RGPD1: variants seen among roughly 807,000 people sequenced by gnomAD.
The protein encoded by RGPD1 is RANBP2 like and GRIP domain containing 1.
A neutral mutation model predicts 40.6 loss-of-function variants in RGPD1; 7 were observed. The ratio of observed to expected loss-of-function variants is 0.17; its 90% CI spans 0.10 to 0.32. RGPD1 has a LOEUF of 0.32. RGPD1 is among the 10% of genes least tolerant of loss of function. RGPD1 has a pLI of 1.00. For synonymous variants in RGPD1, 24 were observed against 167.0 expected (o/e 0.14, Z 6.60); for missense variants, 50 against 472.5 (o/e 0.11, Z 8.29).
intron 1 of RGPD1, among the ~76,000 whole-genome samples, chr2:86,924,677 G>A (rs1678335605): frequency 6.6e-6 from 1 of 151,484 alleles, no homozygotes; most frequent in African/African-American, 2.4e-5. Context: ...ATAATATGTT[G>A]CCCAGGCTGG....
intron 1 of RGPD1, among the ~76,000 whole-genome samples, chr2:86,942,809 C>T (rs1026782496): frequency 3.3e-5 from 5 of 151,832 alleles, no homozygotes; most frequent in Admixed American, 2.0e-4. Flanking sequence ...GTCCTGTGGG[C>T]GGCGTGGCGC....
upstream of RGPD1, among the ~76,000 whole-genome samples, chr2:86,941,700 C>T (rs1036107304): frequency 2.0e-5 from 3 of 148,892 alleles, no homozygotes; most frequent in African/African-American, 7.7e-5. Context: ...GGACTGACTG[C>T]GGGATTTGAG....
rs1680555303 is a variant in RGPD1, at chr2:86,951,386, C to CT, written c.137+33dup. On this transcript the variant is annotated intron_variant, in intron 2 of 22. Coordinates refer to ENST00000641458, the MANE Select transcript of RGPD1 (RefSeq NM_001382344.1). ...GTAAGTACAAACTGTAACATGTATT[C>CT]TTTTTTTAAAATCAATGCCTTTTCT... is the stretch of plus-strand genomic sequence containing the variant. The CT allele has an allele frequency of 5.5e-6, 2 of 366,326 alleles. 1 individual carries two copies. Among genetic ancestry groups the CT allele is most frequent in the South Asian group, 1.0e-4 (2 of 19,088 alleles). The allele number at this position is 366,326 out of a possible 1,614,324, so 22.7% of individuals were successfully genotyped here. A position where few individuals can be genotyped will look rare whatever the true frequency, so the allele number is the denominator to read the frequency against.
chr2:86,931,075 CAA>C (rs1678922659), intron 1 of RGPD1, among the ~76,000 whole-genome samples: 1 of 114,902 alleles, frequency 8.7e-6, no homozygotes, highest in African/African-American at 3.5e-5. Flanking sequence ...GAGATAACAA[CAA>C]GGGAGTTGAT....
chr2:86,918,460 T>C (rs1677889064), intron 1 of RGPD1, among the ~76,000 whole-genome samples: 1 of 132,224 alleles, frequency 7.6e-6, no homozygotes. Context: ...AATCTTTTTT[T>C]TTTTTTTTTT....
chr2:86,993,231 A>G (rs1037137250), intron 20 of RGPD1, among the ~76,000 whole-genome samples: 1 of 151,776 alleles, frequency 6.6e-6, no homozygotes, highest in Non-Finnish European at 1.5e-5. Flanking sequence ...GCTTCTAGAC[A>G]TGCACACTGT....
At chr2:86,938,082 AAAAC>A (rs1573596900), upstream of RGPD1, among the ~76,000 whole-genome samples, 1 of 41,920 alleles carries the variant, frequency 2.4e-5, no homozygotes, top group Non-Finnish European at 3.8e-5. Flanking sequence ...CTTGGGCAGT[AAAAC>A]AAACCAAGTA....
chr2:87,008,955 A>C (rs1682149405), intron 22 of RGPD1, among the ~76,000 whole-genome samples: 1 of 144,054 alleles, frequency 6.9e-6, no homozygotes, highest in Non-Finnish European at 1.5e-5. Context: ...AAGAACTGTG[A>C]GACAATTACA....
chr2:86,936,736 C>T lies in RGPD1; in HGVS notation c.73-14560C>T, dbSNP rs569254791. ...TCCTGACCTGAAGCGATCTGCCCAC[C>T]TTGGCCTCCGAAGTGCTGCGATTAC... On this transcript the variant is annotated intron_variant, in intron 1 of 22. Coordinates refer to the RGPD1 transcript ENST00000398193. Among the ~76,000 whole-genome samples the T allele has an allele frequency of 5.9e-5, 6 of 102,042 alleles. 1 individual carries two copies. The East Asian group carries it at 1.6e-3, about 27-fold the overall frequency. The allele number at this position is 102,042 out of a possible 152,430, so 66.9% of individuals were successfully genotyped here. A position where few individuals can be genotyped will look rare whatever the true frequency, so the allele number is the denominator to read the frequency against.
intron 1 of RGPD1, among the ~76,000 whole-genome samples, chr2:86,935,922 C>T (rs1189820733): frequency 1.4e-5 from 2 of 147,308 alleles, no homozygotes; most frequent in Non-Finnish European, 3.0e-5. Context: ...ATGTTCAGCA[C>T]TACTTCTTCC....
intron 1 of RGPD1, 53 bp downstream of exon 1, chr2:86,942,361 C>A: frequency 7.3e-7 from 1 of 1,366,006 alleles, no homozygotes; most frequent in East Asian, 3.2e-5. Context: ...GCGGCGGCCT[C>A]GACCTGGCCG....
chr2:86,964,233 C>T (rs1573632276), intron 7 of RGPD1, among the ~76,000 whole-genome samples: 1 of 103,674 alleles, frequency 9.6e-6, no homozygotes, highest in Admixed American at 8.6e-5. Flanking sequence ...TTAGTAGAGA[C>T]GGGGTTTCAC....
Position 86,988,414 on chromosome 2 carries a change from C to T in RGPD1, c.4900+615C>T, listed in dbSNP as rs1352648459. Among the ~76,000 whole-genome samples, 2 of 92,534 alleles carry T rather than the reference C, an allele frequency of 2.2e-5. 1 individual carries two copies. The highest frequency in any genetic ancestry group is 4.3e-5 in the Non-Finnish European group (2 of 46,160). The allele number at this position is 92,534 out of a possible 152,430, so 60.7% of individuals were successfully genotyped here. A position where few individuals can be genotyped will look rare whatever the true frequency, so the allele number is the denominator to read the frequency against. On this transcript the variant is annotated intron_variant, in intron 20 of 22. Coordinates refer to ENST00000641458, the MANE Select transcript of RGPD1 (RefSeq NM_001382344.1). ...GAGCTGAAGTCATGCCACTGCACTC[C>T]AGCCTGACTGAGTGAGACTTTGTCT...
At chr2:86,942,603 C>G in intron 1 of RGPD1, among the ~76,000 whole-genome samples, 1 of 116,962 alleles carries the variant, frequency 8.5e-6, no homozygotes, top group South Asian at 2.8e-4. Context: ...TCATGGCTCC[C>G]GACGGGCGCT....
At position 86,914,236 on chromosome 2, in the gene RGPD1, G is replaced by GGGC. The variant is rs1243374849; in HGVS notation, c.72+334_72+336dup. On this transcript the variant is annotated intron_variant, in intron 1 of 22. Coordinates refer to the RGPD1 transcript ENST00000398193. ...CGGCGGCGGCGGCCTCGGCCTGGCC[G>GGGC]GGCGGCGGCGGCGGCGGCGGCCTCG... Among the ~76,000 whole-genome samples, 23 of 82,324 alleles carry GGGC rather than the reference G, an allele frequency of 2.8e-4. 1 individual carries two copies. The highest frequency in any genetic ancestry group is 8.4e-4 in the African/African-American group (16 of 18,984). 54.0% of individuals were successfully genotyped at this position (82,324 alleles called of 152,430 possible).
chr2:86,942,332 AC>A, intron 1 of RGPD1, 24 bp downstream of exon 1: 1 of 1,389,246 alleles, frequency 7.2e-7, no homozygotes, highest in Non-Finnish European at 9.6e-7. Flanking sequence ...GAAGAGACCG[AC>A]GGCCTCGACC....
At chr2:86,914,543 G>GGGC (rs1322747428) in intron 1 of RGPD1, among the ~76,000 whole-genome samples, 4 of 20,014 alleles carry the variant, frequency 2.0e-4, no homozygotes, top group Non-Finnish European at 4.4e-4. Flanking sequence ...CGGCCTGGCC[G>GGGC]GGCGGCGGCG....
At chr2:86,930,583 AC>A in intron 1 of RGPD1, 1 of 1,611,274 alleles carries the variant, frequency 6.2e-7, no homozygotes, top group South Asian at 1.1e-5. Context: ...AGCCAGAACC[AC>A]CAGAGCTCAT....
chr2:86,930,499 G>C (rs891658438), intron 1 of RGPD1: 57 of 1,505,684 alleles, frequency 3.8e-5, no homozygotes, highest in Non-Finnish European at 4.3e-5. Flanking sequence ...CGCTGCTGTT[G>C]TTGCAGCCTG....
Sources: allele counts gnomAD v4.1 joint callset (sites outside exome capture counted in the v4.1 genomes callset), GRCh38; gene constraint gnomAD v4.1.1; transcripts MANE v1.5; gene names NCBI Gene and HGNC (gene_info 2026-07-23, HGNC 2026-07-21).